Variants in FILIP1L observed in about 807,000 individuals in gnomAD.
The protein encoded by FILIP1L is filamin A interacting protein 1 like.
Under a neutral mutation model 96.6 loss-of-function variants are expected in FILIP1L, and 55 were observed. The observed-to-expected ratio is 0.57, with a 90% CI of 0.46 to 0.71. The LOEUF is 0.71. Among genes scored for constraint, FILIP1L ranks in the 30% least tolerant of loss-of-function variants. The pLI, the probability that FILIP1L is intolerant of heterozygous loss-of-function variation, is 0.00. For synonymous variants in FILIP1L, 467 were observed against 473.9 expected (o/e 0.99, Z 0.19); for missense variants, 1,304 against 1,321.2 (o/e 0.99, Z 0.20).
At chr3:99,874,655 G>A (rs913176617) in intron 4 of FILIP1L, among the ~76,000 whole-genome samples, 6 of 152,050 alleles carry the variant, frequency 3.9e-5, no homozygotes, top group Non-Finnish European at 7.4e-5. Context: ...ACTGCTATGA[G>A]GCAAAAATGA....
intron 4 of FILIP1L, among the ~76,000 whole-genome samples, chr3:99,920,670 C>T (rs1707097041): frequency 1.3e-5 from 2 of 152,164 alleles, no homozygotes; most frequent in Admixed American, 1.3e-4. Flanking sequence ...CCCCCACCCA[C>T]CCTCAGTGGG....
chr3:100,100,207 T>G (rs552415460), intron 1 of FILIP1L, among the ~76,000 whole-genome samples: 2 of 152,234 alleles, frequency 1.3e-5, no homozygotes, highest in South Asian at 4.1e-4. Context: ...ACAAGTAGCC[T>G]TCTCCTGAGA....
chr3:99,935,788 A>G (rs111692131), intron 1 of FILIP1L, among the ~76,000 whole-genome samples: 2,929 of 152,236 alleles, frequency 0.019, 88 homozygotes, highest in African/African-American at 0.066. Flanking sequence ...TTGTTTTCCT[A>G]TGTAGTTCCT....
intron 5 of FILIP1L, among the ~76,000 whole-genome samples, chr3:99,837,291 G>A: frequency 6.6e-6 from 1 of 152,148 alleles, no homozygotes; most frequent in Non-Finnish European, 1.5e-5. Context: ...ACCTCTTGCA[G>A]TTTTTAGTTA....
intron 1 of FILIP1L, among the ~76,000 whole-genome samples, chr3:100,025,057 T>C (rs527377693): frequency 6.6e-6 from 1 of 152,346 alleles, no homozygotes; most frequent in South Asian, 2.1e-4. Flanking sequence ...ACACGCATTT[T>C]TCTTTGAATT....
intron 1 of FILIP1L, among the ~76,000 whole-genome samples, chr3:100,109,640 C>T (rs1372558284): frequency 1.3e-5 from 2 of 152,002 alleles, no homozygotes; most frequent in African/African-American, 4.8e-5. Context: ...GAGGTTCATG[C>T]ATATTGTTGT....
chr3:99,837,124 T>A (rs956228805), intron 5 of FILIP1L, among the ~76,000 whole-genome samples: 5 of 152,218 alleles, frequency 3.3e-5, no homozygotes, highest in African/African-American at 4.8e-5. Context: ...AATTAATACA[T>A]ACTCTTATAA....
At chr3:100,023,045 T>A (rs1296722164) in intron 1 of FILIP1L, among the ~76,000 whole-genome samples, 1 of 152,160 alleles carries the variant, frequency 6.6e-6, no homozygotes, top group Middle Eastern at 3.2e-3. Flanking sequence ...TCAGGTGTTT[T>A]AACCATTTAG....
intron 1 of FILIP1L, among the ~76,000 whole-genome samples, chr3:99,959,588 A>G (rs972241968): frequency 6.6e-6 from 1 of 152,218 alleles, no homozygotes; most frequent in African/African-American, 2.4e-5. Flanking sequence ...CCACGTGTAT[A>G]ATTTCTTTAG....
chr3:100,035,034 A>G (rs915342040), intron 1 of FILIP1L, among the ~76,000 whole-genome samples: 6 of 152,178 alleles, frequency 3.9e-5, no homozygotes, highest in African/African-American at 1.4e-4. Flanking sequence ...GGTTCTCTCC[A>G]GATAGCTTGA....
At chr3:99,917,764 T>C (rs966582709) in intron 4 of FILIP1L, among the ~76,000 whole-genome samples, 1 of 152,214 alleles carries the variant, frequency 6.6e-6, no homozygotes, top group African/African-American at 2.4e-5. Context: ...GAAATCTAGA[T>C]GTCCTTTAAG....
chr3:99,854,689 G>GA (rs1170780739), intron 4 of FILIP1L, among the ~76,000 whole-genome samples: 2 of 151,578 alleles, frequency 1.3e-5, no homozygotes, highest in Admixed American at 6.6e-5. Flanking sequence ...TCTCCTGGGG[G>GA]GCAGTCACCT....
At chr3:100,017,756 C>A (rs1710386666) in intron 1 of FILIP1L, among the ~76,000 whole-genome samples, 1 of 151,858 alleles carries the variant, frequency 6.6e-6, no homozygotes. Flanking sequence ...GAGACACTGT[C>A]TCTAAAAATA....
At chr3:100,105,981 T>C (rs1203922305) in intron 1 of FILIP1L, among the ~76,000 whole-genome samples, 2 of 152,160 alleles carry the variant, frequency 1.3e-5, no homozygotes, top group African/African-American at 4.8e-5. Flanking sequence ...CACCATCAGA[T>C]GGTGTGGACA....
At chr3:100,063,420 A>G (rs145806930) in intron 1 of FILIP1L, among the ~76,000 whole-genome samples, 1,792 of 152,300 alleles carry the variant, frequency 0.012, 22 homozygotes, top group African/African-American at 0.026. Flanking sequence ...TTATTATTAT[A>G]GTATTATTAT....
chr3:100,106,868 A>C (rs2107468350), intron 1 of FILIP1L, among the ~76,000 whole-genome samples: 1 of 152,244 alleles, frequency 6.6e-6, no homozygotes, highest in Middle Eastern at 3.4e-3. Context: ...TTGCTTTTTA[A>C]AAATATGCAG....
At chr3:100,048,710 G>T (rs1241999963) in intron 1 of FILIP1L, among the ~76,000 whole-genome samples, 1 of 152,124 alleles carries the variant, frequency 6.6e-6, no homozygotes, top group African/African-American at 2.4e-5. Context: ...ATCAAGTCCA[G>T]GTGGGTTTTA....
At chr3:99,894,194 T>G (rs1296024325) in intron 4 of FILIP1L, among the ~76,000 whole-genome samples, 2 of 152,234 alleles carry the variant, frequency 1.3e-5, no homozygotes, top group Non-Finnish European at 2.9e-5. Flanking sequence ...GGAGATAGGA[T>G]GGTTAAAAAC....
At chr3:100,097,509 A>G (rs951303228) in intron 1 of FILIP1L, among the ~76,000 whole-genome samples, 1 of 152,156 alleles carries the variant, frequency 6.6e-6, no homozygotes, top group African/African-American at 2.4e-5. Context: ...CGAACACAGT[A>G]TATCTCTCTA....
Sources: gnomAD v4.1 joint callset for allele counts (sites outside exome capture counted in the v4.1 genomes callset) on GRCh38, gnomAD v4.1.1 for gene constraint, MANE v1.5 for transcripts, NCBI Gene and HGNC (gene_info 2026-07-23, HGNC 2026-07-21) for gene names.